Variants in AUTS2 observed in about 807,000 individuals in gnomAD.
AUTS2 encodes activator of transcription and developmental regulator AUTS2.
AUTS2 carries 17 observed loss-of-function variants against 112.4 expected under a neutral mutation model. The observed-to-expected ratio is 0.15, with a 90% CI of 0.10 to 0.23. The LOEUF (loss-of-function observed/expected upper bound fraction) is 0.23. Among genes scored for constraint, AUTS2 ranks in the 10% least tolerant of loss-of-function variants. The pLI, the probability that AUTS2 is intolerant of heterozygous loss-of-function variation, is 1.00. For synonymous variants in AUTS2, 751 were observed against 702.7 expected (o/e 1.07, Z -1.09); for missense variants, 1,510 against 1,701.6 (o/e 0.89, Z 1.98).
intron 4 of AUTS2, among the ~76,000 whole-genome samples, chr7:70,236,571 C>T (rs1043986638): frequency 1.3e-5 from 2 of 152,114 alleles, no homozygotes; most frequent in African/African-American, 2.4e-5. Flanking sequence ...GAACTAAAGC[C>T]GAAATGGATC....
At chr7:70,334,410 GAAGT>G (rs1365151529) in intron 4 of AUTS2, among the ~76,000 whole-genome samples, 1 of 152,212 alleles carries the variant, frequency 6.6e-6, no homozygotes, top group Admixed American at 6.5e-5. Flanking sequence ...CGATTCTGGA[GAAGT>G]AAGTAACTAA....
intron 1 of AUTS2, among the ~76,000 whole-genome samples, chr7:69,797,805 T>G (rs575296304): frequency 6.6e-6 from 1 of 152,346 alleles, no homozygotes; most frequent in East Asian, 1.9e-4. Context: ...TTTTTCCTTC[T>G]TGTAAAGGTT....
chr7:70,494,363 A>G (rs1330413049), intron 5 of AUTS2, among the ~76,000 whole-genome samples: 1 of 151,864 alleles, frequency 6.6e-6, no homozygotes, highest in East Asian at 1.9e-4. Flanking sequence ...ATCACTCTTT[A>G]TCTTGAAAAG....
chr7:69,988,893 G>C (rs990037223), intron 2 of AUTS2, among the ~76,000 whole-genome samples: 5 of 152,088 alleles, frequency 3.3e-5, no homozygotes, highest in African/African-American at 1.2e-4. Context: ...CCTTTCCTAG[G>C]AGCACTTTTT....
chr7:70,352,268 T>C (rs1791803986), intron 4 of AUTS2, among the ~76,000 whole-genome samples: 1 of 152,230 alleles, frequency 6.6e-6, no homozygotes, highest in Admixed American at 6.5e-5. Context: ...GTTTCAGTTG[T>C]CAGTTTTTGT....
At chr7:70,605,513 CTT>C (rs11412825) in intron 5 of AUTS2, among the ~76,000 whole-genome samples, 2 of 96,222 alleles carry the variant, frequency 2.1e-5, no homozygotes, top group Admixed American at 2.0e-4. Context: ...TTTTGTCTTT[CTT>C]TTTTTTTTCT....
rs148203958 is a variant in AUTS2 at position 69,990,718 on chromosome 7, G to A, written c.522+91220G>A. Among the ~76,000 whole-genome samples the A allele has an allele frequency of 1.5e-3, 232 of 152,280 alleles. 1 individual carries two copies. The highest frequency in any genetic ancestry group is 4.7e-3 in the African/African-American group (195 of 41,560). ...AAAGCTGGTGGTCATATTTATATAG[G>A]TTGGGTATCCCTTATCTGAAGTGCT... On this transcript the variant is annotated intron_variant, in intron 2 of 18. Transcript: ENST00000342771.
intron 1 of AUTS2, among the ~76,000 whole-genome samples, chr7:69,757,983 G>A (rs1221302882): frequency 6.6e-6 from 1 of 152,238 alleles, no homozygotes; most frequent in Non-Finnish European, 1.5e-5. Context: ...GAATTCTGAA[G>A]ATACACTTAA....
intron 5 of AUTS2, among the ~76,000 whole-genome samples, chr7:70,564,498 A>G (rs187921075): frequency 4.5e-4 from 69 of 152,302 alleles, no homozygotes; most frequent in African/African-American, 1.6e-3. Context: ...CTTATTTAAC[A>G]CCAACAATAA....
At chr7:70,731,804 C>T (rs556155227) in intron 6 of AUTS2, among the ~76,000 whole-genome samples, 21 of 152,012 alleles carry the variant, frequency 1.4e-4, no homozygotes, top group African/African-American at 4.3e-4. Context: ...CCTTCCCCTC[C>T]GCCATCCCCC....
chr7:70,647,695 T>A (rs1400074698), intron 5 of AUTS2, among the ~76,000 whole-genome samples: 1 of 152,158 alleles, frequency 6.6e-6, no homozygotes, highest in Non-Finnish European at 1.5e-5. Context: ...CTGGGTATCA[T>A]ACCTGTCTCT....
intron 5 of AUTS2, among the ~76,000 whole-genome samples, chr7:70,637,984 G>T (rs1182257241): frequency 6.6e-6 from 1 of 152,062 alleles, no homozygotes; most frequent in Non-Finnish European, 1.5e-5. Flanking sequence ...CCATTCCAAG[G>T]GACAGGAAGT....
rs57997456 is a variant in AUTS2, at chr7:69,960,625, G to A, written c.522+61127G>A. Among the ~76,000 whole-genome samples the A allele has an allele frequency of 3.6e-3, 545 of 152,262 alleles. 6 individuals are homozygous for A. Among genetic ancestry groups the A allele is most frequent in the African/African-American group, 0.012 (504 of 41,568 alleles). On this transcript the variant is annotated intron_variant, in intron 2 of 18. Transcript: ENST00000342771. The stretch of plus-strand genomic sequence containing the variant: ...GACACAATATCGAACTTCAGAATCA[G>A]TCGTTTTCCAAAAACATTTGTTGGA...
At chr7:69,976,184 G>A (rs1381813886) in intron 2 of AUTS2, among the ~76,000 whole-genome samples, 3 of 152,266 alleles carry the variant, frequency 2.0e-5, no homozygotes, top group African/African-American at 4.8e-5. Context: ...GCCCCTGGTA[G>A]CCACCAGTCT....
At chr7:70,589,092 C>G (rs922258310) in intron 5 of AUTS2, among the ~76,000 whole-genome samples, 1 of 152,216 alleles carries the variant, frequency 6.6e-6, no homozygotes. Context: ...ACAGAGGCAG[C>G]AACCGTAAAA....
intron 4 of AUTS2, among the ~76,000 whole-genome samples, chr7:70,425,361 T>C (rs538372223): frequency 5.3e-5 from 8 of 152,354 alleles, no homozygotes; most frequent in African/African-American, 1.9e-4. Flanking sequence ...CATTCTGCCT[T>C]CCTGAAGGTG....
At chr7:70,121,749 G>A (rs1248287981) in intron 3 of AUTS2, among the ~76,000 whole-genome samples, 1 of 152,092 alleles carries the variant, frequency 6.6e-6, no homozygotes, top group African/African-American at 2.4e-5. Flanking sequence ...AAATGACGCA[G>A]CCACTGTAGA....
intron 5 of AUTS2, among the ~76,000 whole-genome samples, chr7:70,489,307 T>G (rs1048272090): frequency 3.2e-4 from 48 of 152,262 alleles, no homozygotes; most frequent in Non-Finnish European, 7.3e-5. Flanking sequence ...GCATATTATT[T>G]AATCAGGGGC....
At chr7:70,332,634 A>G (rs567044279) in intron 4 of AUTS2, among the ~76,000 whole-genome samples, 1 of 152,318 alleles carries the variant, frequency 6.6e-6, no homozygotes, top group Non-Finnish European at 1.5e-5. Context: ...AATGGAACAG[A>G]ACGGTGGCCT....
Sources: gnomAD v4.1 joint callset for allele counts (sites outside exome capture counted in the v4.1 genomes callset) on GRCh38, gnomAD v4.1.1 for gene constraint, MANE v1.5 for transcripts, NCBI Gene and HGNC (gene_info 2026-07-23, HGNC 2026-07-21) for gene names.